RYR3: variants seen among roughly 807,000 people sequenced by gnomAD.
The protein encoded by RYR3 is ryanodine receptor 3.
A neutral mutation model predicts 584.3 loss-of-function variants in RYR3; 207 were observed. That is an observed-to-expected ratio of 0.35 (90% CI 0.32 to 0.40). The LOEUF is 0.40. RYR3 is among the 10% of genes least tolerant of loss of function. RYR3 has a pLI of 1.00. For synonymous variants in RYR3, 2,416 were observed against 2,248.5 expected, an observed-to-expected ratio of 1.07 and a Z score of -2.11; for missense variants, 5,616 against 6,089.2, an observed-to-expected ratio of 0.92 and a Z score of 2.59.
chr15:33,490,316 T>C (rs1177583646), intron 2 of RYR3, among the ~76,000 whole-genome samples: 4 of 152,178 alleles, frequency 2.6e-5, no homozygotes, highest in African/African-American at 9.6e-5. Flanking sequence ...CACTGAGCAG[T>C]TGACAAAATT....
chr15:33,747,277 C>A (rs2070821858), intron 53 of RYR3, among the ~76,000 whole-genome samples: 1 of 151,988 alleles, frequency 6.6e-6, no homozygotes, highest in Admixed American at 6.6e-5. Context: ...TCTTAGTAAG[C>A]TTTAGGCCTA....
At chr15:33,436,581 A>G (rs1596131858) in intron 1 of RYR3, among the ~76,000 whole-genome samples, 2 of 150,622 alleles carry the variant, frequency 1.3e-5, no homozygotes, top group South Asian at 4.2e-4. Flanking sequence ...GCTCACTGCA[A>G]CCTCCGCCTC....
intron 38 of RYR3, among the ~76,000 whole-genome samples, chr15:33,678,408 T>C (rs1221695519): frequency 1.3e-5 from 2 of 152,202 alleles, no homozygotes; most frequent in Admixed American, 6.5e-5. Context: ...TGATAAGATG[T>C]GCTTGCTTCC....
intron 10 of RYR3, among the ~76,000 whole-genome samples, chr15:33,562,086 A>G (rs564674123): frequency 1.3e-5 from 2 of 152,296 alleles, no homozygotes; most frequent in African/African-American, 4.8e-5. Context: ...GCCCTGATTG[A>G]TGAGGAGGGG....
intron 70 of RYR3, among the ~76,000 whole-genome samples, chr15:33,809,427 C>T (rs12898408): frequency 0.07 from 10,716 of 152,218 alleles, 529 homozygotes; most frequent in Middle Eastern, 0.1. Flanking sequence ...CCTGCAAGCA[C>T]GTACCACGTG....
chr15:33,449,672 A>G (rs1274835560), intron 1 of RYR3, among the ~76,000 whole-genome samples: 1 of 152,172 alleles, frequency 6.6e-6, no homozygotes, highest in South Asian at 2.1e-4. Flanking sequence ...CCATAATGAA[A>G]CCTGAAAGAA....
At chr15:33,627,431 C>T (rs1488819079) in intron 20 of RYR3, among the ~76,000 whole-genome samples, 1 of 152,060 alleles carries the variant, frequency 6.6e-6, no homozygotes, top group African/African-American at 2.4e-5. Flanking sequence ...GACATTTGAA[C>T]TAAATGCAGG....
At chr15:33,540,712 C>T (rs904274741) in intron 6 of RYR3, 79 bp from the exon 7 acceptor site, 14 of 852,722 alleles carry the variant, frequency 1.6e-5, no homozygotes, top group Non-Finnish European at 2.8e-5. Context: ...TAATTTAATC[C>T]TTGAAGTTCT....
intron 8 of RYR3, among the ~76,000 whole-genome samples, chr15:33,544,028 G>A (rs2141180882): frequency 6.6e-6 from 1 of 152,224 alleles, no homozygotes; most frequent in Middle Eastern, 3.4e-3. Flanking sequence ...TCCATTTCAT[G>A]TGCTAAGTAA....
chr15:33,584,187 A>G (rs1051538613), intron 14 of RYR3, among the ~76,000 whole-genome samples: 10 of 152,172 alleles, frequency 6.6e-5, no homozygotes, highest in Non-Finnish European at 1.0e-4. Flanking sequence ...GCAATGAGCC[A>G]CTACACTCCA....
At chr15:33,725,974 C>CCCCCCA (rs1555427644) in intron 45 of RYR3, among the ~76,000 whole-genome samples, 1 of 37,622 alleles carries the variant, frequency 2.7e-5, no homozygotes, top group Non-Finnish European at 5.7e-5. Flanking sequence ...CATCCCCCCC[C>CCCCCCA]CCAAAAAAAA....
At chr15:33,327,082 T>C (rs1969806622) in intron 1 of RYR3, among the ~76,000 whole-genome samples, 2 of 151,862 alleles carry the variant, frequency 1.3e-5, no homozygotes, top group South Asian at 4.1e-4. Flanking sequence ...GCATGTTACA[T>C]CTGTAATTTT....
chr15:33,720,473 A>T (rs571495821), intron 43 of RYR3, among the ~76,000 whole-genome samples: 5 of 152,218 alleles, frequency 3.3e-5, no homozygotes, highest in Non-Finnish European at 5.9e-5. Context: ...GAGCATGCAT[A>T]TCTGAAAAGG....
intron 1 of RYR3, among the ~76,000 whole-genome samples, chr15:33,471,254 C>T (rs1413295853): frequency 6.6e-6 from 1 of 152,120 alleles, no homozygotes; most frequent in African/African-American, 2.4e-5. Flanking sequence ...GAGTAGAAAT[C>T]GTTTGGAGAA....
At chr15:33,854,933 G>C in intron 98 of RYR3, 21 bp downstream of exon 98, 1 of 1,599,172 alleles carries the variant, frequency 6.3e-7, no homozygotes, top group Non-Finnish European at 8.5e-7. Flanking sequence ...TACTGATGCA[G>C]AACAGAATGG....
intron 38 of RYR3, among the ~76,000 whole-genome samples, chr15:33,673,305 G>A (rs1041174710): frequency 3.3e-5 from 5 of 152,216 alleles, no homozygotes; most frequent in African/African-American, 9.7e-5. Context: ...GTTGATGTTG[G>A]CCAATGACCT....
intron 19 of RYR3, among the ~76,000 whole-genome samples, chr15:33,616,132 C>A (rs1257299911): frequency 6.6e-6 from 1 of 152,126 alleles, no homozygotes. Flanking sequence ...TACTCATTTT[C>A]AAAGGGAGTA....
chr15:33,479,486 C>CTTTTTTTT (rs376160496), intron 2 of RYR3, among the ~76,000 whole-genome samples: 1 of 135,866 alleles, frequency 7.4e-6, no homozygotes, highest in African/African-American at 2.6e-5. Context: ...GAGATTTTGA[C>CTTTTTTTT]TTTTTTTTTT....
chr15:33,317,050 G>C (rs1308306588), intron 1 of RYR3, among the ~76,000 whole-genome samples: 1 of 152,220 alleles, frequency 6.6e-6, no homozygotes, highest in Non-Finnish European at 1.5e-5. Flanking sequence ...CAGGATCCCA[G>C]CCACCAAACA....
Sources: gnomAD v4.1 joint callset for allele counts (sites outside exome capture counted in the v4.1 genomes callset) on GRCh38, gnomAD v4.1.1 for gene constraint, MANE v1.5 for transcripts, NCBI Gene and HGNC (gene_info 2026-07-23, HGNC 2026-07-21) for gene names.